The following DAB1 variants were observed in gnomAD, a reference collection of about 807,000 sequenced individuals.
The protein encoded by DAB1 is disabled homolog 1.
Under a neutral mutation model 64.6 loss-of-function variants are expected in DAB1, and 15 were observed. That is an observed-to-expected ratio of 0.23 (90% confidence interval 0.16 to 0.36). DAB1 has a LOEUF of 0.36. Ranked by LOEUF, DAB1 falls within the 10% of genes least tolerant of loss-of-function variation. DAB1 has a pLI of 1.00. For synonymous variants in DAB1, 235 were observed against 251.9 expected, an observed-to-expected ratio of 0.93 and a Z score of 0.64; for missense variants, 596 against 706.7, an observed-to-expected ratio of 0.84 and a Z score of 1.78.
chr1:58,250,762 C>T (rs1660773769), intron 4 of DAB1, among the ~76,000 whole-genome samples: 2 of 152,208 alleles, frequency 1.3e-5, no homozygotes, highest in African/African-American at 4.8e-5. Context: ...TTGCAGTTCT[C>T]AGTGTCTGCT....
At chr1:58,399,020 C>T (rs920050000) in intron 3 of DAB1, among the ~76,000 whole-genome samples, 5 of 152,180 alleles carry the variant, frequency 3.3e-5, no homozygotes, top group Admixed American at 2.6e-4. Context: ...AAGACCACCA[C>T]GGATTGGGCT....
intron 3 of DAB1, among the ~76,000 whole-genome samples, chr1:58,400,408 AG>A (rs1256588798): frequency 4.6e-5 from 7 of 152,176 alleles, no homozygotes; most frequent in Non-Finnish European, 1.0e-4. Context: ...GCATGATTCA[AG>A]GGTGGCTGTG....
At chr1:58,437,930 GC>G (rs1399619168) in intron 3 of DAB1, among the ~76,000 whole-genome samples, 2 of 152,182 alleles carry the variant, frequency 1.3e-5, no homozygotes, top group African/African-American at 4.8e-5. Context: ...TTTGACTCAT[GC>G]AGGGGGATCA....
In DAB1 at chr1:58,367,108, C is replaced by A. The variant is rs143770339; in HGVS notation, n.258-23705G>T. 7.0e-3 allele frequency among the ~76,000 whole-genome samples: 1,064 copies of A among 152,204 alleles called. 10 individuals carry two copies. Among genetic ancestry groups the A allele is most frequent in the African/African-American group, 0.025 (1,025 of 41,526 alleles). Reference sequence around the variant, plus strand: ...ATGGTACTATCTGTTGGAAAAACTTCCAATATTATTCAGACAGTTAATATG... The same window carrying A: ...ATGGTACTATCTGTTGGAAAAACTTACAATATTATTCAGACAGTTAATATG... On this transcript the variant is annotated intron_variant and non_coding_transcript_variant, in intron 3 of 20. Transcript: ENST00000485760.
exon 2 of DAB1, chr1:57,826,120 A>G (rs982703490): frequency 6.6e-6 from 1 of 152,222 alleles, no homozygotes; most frequent in Admixed American, 6.5e-5. Context: ...AGAAGAAGGA[A>G]ACAGAGAACC....
intron 4 of DAB1, among the ~76,000 whole-genome samples, chr1:58,189,581 T>C (rs916362468): frequency 6.6e-6 from 1 of 152,192 alleles, no homozygotes; most frequent in East Asian, 1.9e-4. Flanking sequence ...AGCATCCCGC[T>C]AACAACCAGC....
chr1:57,699,889 G>A (rs750327641), intron 6 of DAB1, among the ~76,000 whole-genome samples: 1 of 152,132 alleles, frequency 6.6e-6, no homozygotes, highest in Non-Finnish European at 1.5e-5. Context: ...CTCCAGCCTG[G>A]TGACAGAGTG....
At chr1:57,105,302 GA>G (rs950251750) in intron 4 of DAB1, among the ~76,000 whole-genome samples, 1 of 149,578 alleles carries the variant, frequency 6.7e-6, no homozygotes, top group Non-Finnish European at 1.5e-5. Flanking sequence ...TGGAGCAAAT[GA>G]AAAAAAAATG....
chr1:58,122,661 G>T (rs1427404781), intron 5 of DAB1, among the ~76,000 whole-genome samples: 1 of 152,024 alleles, frequency 6.6e-6, no homozygotes, highest in Non-Finnish European at 1.5e-5. Flanking sequence ...TGACCACCTT[G>T]TGTCCAAGAA....
At chr1:58,043,509 C>T (rs1054589251) in intron 5 of DAB1, among the ~76,000 whole-genome samples, 1 of 152,170 alleles carries the variant, frequency 6.6e-6, no homozygotes, top group African/African-American at 2.4e-5. Flanking sequence ...CAATCTGATC[C>T]ATCTGACAAA....
intron 9 of DAB1, among the ~76,000 whole-genome samples, chr1:57,036,956 A>T (rs1185336593): frequency 1.3e-5 from 2 of 152,004 alleles, no homozygotes; most frequent in African/African-American, 4.8e-5. Context: ...GACTTGGGAT[A>T]AAAAAAATCT....
chr1:58,202,834 C>T (rs755406489), intron 4 of DAB1, among the ~76,000 whole-genome samples: 7 of 152,118 alleles, frequency 4.6e-5, no homozygotes, highest in Non-Finnish European at 1.0e-4. Flanking sequence ...AATCATTCTC[C>T]ACAGGTAGGT....
chr1:57,153,950 T>G (rs1557823659), intron 2 of DAB1, among the ~76,000 whole-genome samples: 1 of 152,142 alleles, frequency 6.6e-6, no homozygotes, highest in Non-Finnish European at 1.5e-5. Context: ...GTGTATGTAT[T>G]TATGGGGTAC....
chr1:58,525,328 G>A (rs188608561), intron 2 of DAB1, among the ~76,000 whole-genome samples: 199 of 124,330 alleles, frequency 1.6e-3, no homozygotes, highest in Admixed American at 3.4e-3. Context: ...ATGTATAAGT[G>A]GATCTACACA....
intron 6 of DAB1, among the ~76,000 whole-genome samples, chr1:57,716,879 A>T (rs967607685): frequency 6.6e-6 from 1 of 152,184 alleles, no homozygotes; most frequent in Non-Finnish European, 1.5e-5. Flanking sequence ...ACTTCAACTC[A>T]ATAGCCAAAA....
At chr1:58,416,798 T>G (rs1429423994) in intron 3 of DAB1, among the ~76,000 whole-genome samples, 1 of 152,152 alleles carries the variant, frequency 6.6e-6, no homozygotes, top group Non-Finnish European at 1.5e-5. Context: ...ATAAGGCCAC[T>G]AATCCTATTA....
intron 1 of DAB1, among the ~76,000 whole-genome samples, chr1:57,349,980 A>G (rs1241393459): frequency 2.6e-5 from 4 of 152,202 alleles, no homozygotes; most frequent in Non-Finnish European, 5.9e-5. Context: ...CTTCATTTCT[A>G]TGGCAGTAAA....
rs61765659 is a variant in DAB1 at position 57,260,375 on chromosome 1, G to A, written c.67+30589C>T. On this transcript the variant is annotated intron_variant, in intron 2 of 14. Transcript: ENST00000371236. ...CATATCATCTCATTTCATCTTCATA[G>A]TAACCTGTGGGAGGGGATCTCTTGG... Among the ~76,000 whole-genome samples, 1,136 of 152,282 alleles carry A rather than the reference G, an allele frequency of 7.5e-3. 30 individuals are homozygous for A. In the East Asian group the frequency reaches 0.079, roughly 11 times the overall value.
chr1:57,013,521 A>G (rs879489704), intron 12 of DAB1, among the ~76,000 whole-genome samples: 2 of 152,224 alleles, frequency 1.3e-5, no homozygotes, highest in Non-Finnish European at 2.9e-5. Context: ...ATATGGCCTG[A>G]GTGCAAGTGG....
Sources: allele counts gnomAD v4.1 joint callset (sites outside exome capture counted in the v4.1 genomes callset), GRCh38; gene constraint gnomAD v4.1.1; transcripts MANE v1.5; gene names NCBI Gene and HGNC (gene_info 2026-07-23, HGNC 2026-07-21).